Variants in FAT2 observed in about 807,000 individuals in gnomAD.
FAT2 encodes the protein protocadherin Fat 2.
A neutral mutation model predicts 295.3 loss-of-function variants in FAT2; 150 were observed. The observed-to-expected ratio is 0.51, with a 90% CI of 0.44 to 0.58. FAT2 has a LOEUF of 0.58. Among genes scored for constraint, FAT2 ranks in the 20% least tolerant of loss-of-function variants. The pLI is 0.00. For synonymous variants in FAT2, 2,026 were observed against 2,150.3 expected (o/e 0.94, Z 1.60); for missense variants, 4,868 against 5,442.7 (o/e 0.89, Z 3.32).
In FAT2 at chr5:151,509,232, C is replaced by T. The variant is rs573682942; in HGVS notation, c.12059+789G>A. On this transcript the variant is annotated intron_variant, in intron 22 of 23. Transcript: ENST00000261800. ...CAGACTGCAGCAAGGACCAGAACTA[C>T]CTGAGGAGCTGGTTAAATGTACAGA... is the stretch of plus-strand genomic sequence containing the variant. Among the ~76,000 whole-genome samples, 18 of 152,326 alleles carry T rather than the reference C, an allele frequency of 1.2e-4. 1 individual carries two copies. Among genetic ancestry groups the T allele is most frequent in the African/African-American group, 4.1e-4 (17 of 41,560 alleles).
chr5:151,517,657 A>G lies in FAT2; in HGVS notation c.11426T>C (p.Leu3809Pro). 6.2e-7 allele frequency: 1 copy of G among 1,614,174 alleles called. No individual in the cohort carries two copies. Among genetic ancestry groups the G allele is most frequent in the Non-Finnish European group, 8.5e-7 (1 of 1,180,032 alleles). Residue 3809 changes from leucine (L) to proline (P), a missense_variant, in exon 20 of 24, where the codon CTT (leucine) becomes CCT (proline). By Grantham distance (98) the Leu-to-Pro change is moderately conservative (BLOSUM62 -3). Around this residue, in one of 5 missense-constraint regions of FAT2, gnomAD observed 1,046 missense variants for 1,210.1 expected, o/e 0.86. Coordinates refer to ENST00000261800, the MANE Select transcript of FAT2 (RefSeq NM_001447.3). ...YLKTLQPQAI[L>P]LFTNETASVS... Reference sequence around the variant, plus strand: ...GGACGCTGTTTCATTGGTGAATAGAAGAATGGCCTGTGGCTGGAGTGTTTT... The same window carrying G: ...GGACGCTGTTTCATTGGTGAATAGAGGAATGGCCTGTGGCTGGAGTGTTTT...
At position 151,527,324 on chromosome 5, in the gene FAT2, C is replaced by A. The variant is rs759045321; in HGVS notation, c.10218G>T (p.Leu3406=). 1.7e-5 allele frequency: 27 copies of A among 1,613,316 alleles called. No homozygotes were observed. The African/African-American group carries it at 2.5e-4, about 15-fold the overall frequency. Residue 3406 remains leucine, a synonymous_variant, in exon 17 of 24, where the codon CTG becomes CTT. Transcript: ENST00000261800. ...GGATAGCGATGTCTGTGTCCTCATG[C>A]AGTGGAGGCTGCCCACTGTCTGTGG... ...LRATDSGQPP[L]HEDTDIAIQV... is the part of the protein sequence containing the mutation.
upstream of FAT2, among the ~76,000 whole-genome samples, chr5:151,594,586 G>T (rs1759516684): frequency 6.6e-6 from 1 of 152,150 alleles, no homozygotes. Context: ...TTTTTACAGG[G>T]GTGCCGCCGT....
In FAT2 at chr5:151,540,625, G is replaced by A. The variant is rs151105090; in HGVS notation, c.8981C>T (p.Ser2994Leu). ...VTASDGKFQA[S>L]VTVEIFVLDV... ...CAGGACAAAGATCTCCACAGTGACC[G>A]AAGCCTGGAACTTGCCATCAGATGC... Residue 2994 changes from serine (S) to leucine (L), a missense_variant, in exon 11 of 24, where the codon TCG (serine) becomes TTG (leucine). By Grantham distance (145) the Ser-to-Leu change is moderately radical. Transcript: ENST00000261800. 1.1e-5 allele frequency: 18 copies of A among 1,613,986 alleles called. No individual in the cohort carries two copies. Among genetic ancestry groups the A allele is most frequent in the Middle Eastern group, 1.7e-4 (1 of 6,052 alleles).
Position 151,566,506 on chromosome 5 carries a change from T to A in FAT2, c.2426A>T (p.Asn809Ile). The change falls in exon 2 of 24, where the codon AAT becomes ATT. Residue 809 changes from asparagine (N) to isoleucine (I), a missense_variant. Transcript: ENST00000261800. ...TGCGTTGTCATTCCAGTCTTTCACA[T>A]TCACTGTCAGCAGCTTCCAGGAGGA... ...QKSSWKLLTV[N>I]VKDWNDNAPR... The A allele has an allele frequency of 3.1e-6, 5 of 1,614,092 alleles. No homozygotes were observed. Among genetic ancestry groups the A allele is most frequent in the Non-Finnish European group, 4.2e-6 (5 of 1,180,010 alleles).
At position 151,542,458 on chromosome 5, in the gene FAT2, G is replaced by T; in HGVS notation, c.8669C>A (p.Ala2890Asp). 6.2e-7 allele frequency: 1 copy of T among 1,614,180 alleles called. No homozygotes were observed. The highest frequency in any genetic ancestry group is 8.5e-7 in the Non-Finnish European group (1 of 1,180,038). Residue 2890 changes from alanine to aspartate, a missense_variant, in exon 10 of 24, where the codon GCC becomes GAC. Physicochemically the swap from Ala to Asp is moderately radical, Grantham distance 126 (BLOSUM62 -2). This residue lies in a region of FAT2 where 3,297 missense variants were observed against 3,669.4 expected (regional missense o/e 0.90). Coordinates refer to ENST00000261800, the MANE Select transcript of FAT2 (RefSeq NM_001447.3). ...HGQTIQLSSQ[A>D]LVQVSITDEN... The stretch of plus-strand genomic sequence containing the variant: ...ATCTGTAATGGAGACCTGAACCAGG[G>T]CCTGAGAGGATAGCTGGATGGTCTG...
chr5:151,521,412 G>A lies in FAT2; in HGVS notation c.11181C>T (p.Cys3727=), dbSNP rs1288141959. 6.2e-7 allele frequency: 1 copy of A among 1,614,206 alleles called. No individual in the cohort carries two copies. Among genetic ancestry groups the A allele is most frequent in the Non-Finnish European group, 8.5e-7 (1 of 1,180,022 alleles). Residue 3727 remains cysteine, a synonymous_variant, in exon 19 of 24, where the codon TGC becomes TGT. Transcript: ENST00000261800. ...TTTGACCCTGGCAGGTTGGCCCCTGGCAGGGCACCATGGGCATAGCTGACC... is the reference window on the plus strand; with the variant it reads ...TTTGACCCTGGCAGGTTGGCCCCTGACAGGGCACCATGGGCATAGCTGACC... ...QMRSAMPMVP[C]QGPTCQGQIC...
intron 13 of FAT2, among the ~76,000 whole-genome samples, chr5:151,532,411 ACACACACG>A (rs1269965128): frequency 1.6e-5 from 2 of 127,420 alleles, no homozygotes; most frequent in Non-Finnish European, 3.5e-5. Context: ...ACACACACAC[ACACACACG>A]CAAATGAGTG....
intron 13 of FAT2, among the ~76,000 whole-genome samples, chr5:151,534,143 T>C (rs1581358049): frequency 6.6e-6 from 1 of 152,192 alleles, no homozygotes; most frequent in East Asian, 1.9e-4. Context: ...AATGGCAGTA[T>C]TGAAAAGTCC....
In FAT2 at chr5:151,567,632, T is replaced by C. The variant is rs766170585; in HGVS notation, c.1300A>G (p.Arg434Gly). ...GTGGAGGCCTGGCCCGGTGAGGTTC[T>C]GATGTGTAGCTGATAGTGGGCTCTG... ...HDRAHYQLHI[R>G]TSPGQASTVV... is the part of the protein sequence containing the mutation. The change falls in exon 2 of 24, where the codon AGA (arginine) becomes GGA (glycine). Residue 434 changes from arginine (R) to glycine (G), a missense_variant. Arg to Gly is a moderately radical substitution (Grantham distance 125). This residue lies in a region of FAT2 where 3,297 missense variants were observed against 3,669.4 expected (regional missense o/e 0.90). Transcript: ENST00000261800. 4 of 1,614,136 alleles carry C rather than the reference T, an allele frequency of 2.5e-6. No homozygotes were observed. The Admixed American group carries it at 6.7e-5, about 27-fold the overall frequency.
chr5:151,539,330 G>A (rs1755859830), intron 11 of FAT2, among the ~76,000 whole-genome samples: 2 of 152,212 alleles, frequency 1.3e-5, no homozygotes, highest in African/African-American at 4.8e-5. Context: ...GTGTTGCAAG[G>A]TATGTGTCTA....
intron 4 of FAT2, among the ~76,000 whole-genome samples, chr5:151,555,741 C>G (rs560409113): frequency 1.3e-5 from 2 of 152,262 alleles, no homozygotes; most frequent in African/African-American, 4.8e-5. Flanking sequence ...AAATTTGTTT[C>G]CTGCTGAGGA....
Position 151,505,484 on chromosome 5 carries a change from A to G in FAT2, c.*81T>C. The G allele has an allele frequency of 6.4e-7, 1 of 1,552,326 alleles. No individual in the cohort carries two copies. The highest frequency in any genetic ancestry group is 1.4e-5 in the African/African-American group (1 of 72,374). ...CCCTCCCACTCTCCCAGCCACACTC[A>G]ACTCACCCCCTACGAGACAGGAAGA... On this transcript the variant is annotated 3_prime_UTR_variant, in exon 24 of 24. Transcript: ENST00000261800.
At chr5:151,590,758 G>T (rs1475697176) in intron 1 of FAT2, among the ~76,000 whole-genome samples, 1 of 152,116 alleles carries the variant, frequency 6.6e-6, no homozygotes, top group Admixed American at 6.6e-5. Flanking sequence ...TCCTGGCCCT[G>T]GCACTTCCCC....
At chr5:151,514,321 G>A (rs550362143) in intron 20 of FAT2, among the ~76,000 whole-genome samples, 15 of 152,196 alleles carry the variant, frequency 9.9e-5, no homozygotes, top group South Asian at 4.2e-4. Flanking sequence ...TGATCCCACC[G>A]TCTTTTCATT....
chr5:151,533,921 A>G (rs1338934353), intron 13 of FAT2, among the ~76,000 whole-genome samples: 1 of 152,208 alleles, frequency 6.6e-6, no homozygotes, highest in Non-Finnish European at 1.5e-5. Flanking sequence ...TTTAAAAGAA[A>G]AAGAATTAAC....
chr5:151,545,835 C>T lies in FAT2; in HGVS notation c.5292G>A (p.Val1764=), dbSNP rs774015854. Residue 1764 remains valine, a synonymous_variant, in exon 10 of 24, where the codon GTG becomes GTA. Coordinates refer to ENST00000261800, the MANE Select transcript of FAT2 (RefSeq NM_001447.3). ...NAPMFLKSTF[V]GQISEAAPLY... is the part of the protein sequence containing the mutation. ...GTGGAGCTGCTTCACTAATTTGGCC[C>T]ACAAAAGTTGACTTTAAGAACATAG... 5.0e-6 allele frequency: 8 copies of T among 1,614,046 alleles called. No individual in the cohort carries two copies. Among genetic ancestry groups the T allele is most frequent in the Non-Finnish European group, 6.8e-6 (8 of 1,180,058 alleles).
intron 11 of FAT2, among the ~76,000 whole-genome samples, chr5:151,539,115 T>C (rs943608718): frequency 6.6e-6 from 1 of 152,054 alleles, no homozygotes; most frequent in Non-Finnish European, 1.5e-5. Flanking sequence ...TAATGATGGC[T>C]GAGGGAAAAG....
At chr5:151,527,912 G>C in intron 16 of FAT2, 84 bp downstream of exon 16, 1 of 1,535,226 alleles carries the variant, frequency 6.5e-7, no homozygotes, top group Non-Finnish European at 8.9e-7. Flanking sequence ...ATGGGGTCTT[G>C]ACAGCGATTC....
Sources: gnomAD v4.1 joint callset for allele counts (sites outside exome capture counted in the v4.1 genomes callset) on GRCh38, gnomAD v4.1.1 for gene constraint, gnomAD v4.1.1 regional missense constraint, MANE v1.5 for transcripts, NCBI Gene and HGNC (gene_info 2026-07-23, HGNC 2026-07-21) for gene names.